MTCL1: variants seen among roughly 807,000 people sequenced by gnomAD.
The protein encoded by MTCL1 is microtubule crosslinking factor 1, also known as microtubule cross-linking factor 1.
A neutral mutation model predicts 141.4 loss-of-function variants in MTCL1; 79 were observed. The ratio of observed to expected loss-of-function variants is 0.56; its 90% confidence interval spans 0.47 to 0.67. The LOEUF (loss-of-function observed/expected upper bound fraction) is 0.67, where lower values mean the gene tolerates loss of function less well. Among genes scored for constraint, MTCL1 ranks in the 30% least tolerant of loss-of-function variants. The pLI is 0.00. For synonymous variants in MTCL1, 914 were observed against 875.8 expected, an observed-to-expected ratio of 1.04 and a Z score of -0.77; for missense variants, 2,177 against 2,113.9, an observed-to-expected ratio of 1.03 and a Z score of -0.59.
At chr18:8,756,367 A>G (rs1189261115) in intron 4 of MTCL1, among the ~76,000 whole-genome samples, 1 of 150,114 alleles carries the variant, frequency 6.7e-6, no homozygotes, top group Non-Finnish European at 1.5e-5. Context: ...ATATGTATAT[A>G]TGTGTATATA....
rs1410804227 is a variant in MTCL1 at position 8,720,221 on chromosome 18, T to TC, written c.199-116dup. 6.6e-6 allele frequency: 6 copies of TC among 904,342 alleles called. No individual in the cohort carries two copies. In the African/African-American group the frequency reaches 8.3e-5, roughly 13 times the overall value. The allele number at this position is 904,342 out of a possible 1,614,324, so 56.0% of individuals were successfully genotyped here. A position where few individuals can be genotyped will look rare whatever the true frequency, so the allele number is the denominator to read the frequency against. On this transcript the variant is annotated intron_variant, in intron 3 of 16. Transcript: ENST00000359865. ...ATAAGTCAGTTGTGTATTGCCAGGG[T>TC]CTTTGCTATGTGGTGTAATATATTA...
intron 5 of MTCL1, among the ~76,000 whole-genome samples, chr18:8,780,185 A>G (rs2143398024): frequency 6.6e-6 from 1 of 152,242 alleles, no homozygotes; most frequent in Non-Finnish European, 1.5e-5. Context: ...CTTCCTTGTC[A>G]TATCATTTTT....
intron 4 of MTCL1, among the ~76,000 whole-genome samples, chr18:8,736,567 T>A (rs2096275387): frequency 6.6e-6 from 1 of 151,912 alleles, no homozygotes; most frequent in Admixed American, 6.6e-5. Flanking sequence ...TGAAGTCGGG[T>A]TTCTACCAGT....
chr18:8,716,114 T>A (rs2096126858), upstream of MTCL1, among the ~76,000 whole-genome samples: 1 of 152,256 alleles, frequency 6.6e-6, no homozygotes, highest in Non-Finnish European at 1.5e-5. Context: ...TTAAGATTGA[T>A]CTTTCTTAAG....
Position 8,766,601 on chromosome 18 carries a change from T to G in MTCL1, c.358-11232T>G, listed in dbSNP as rs186393608. On this transcript the variant is annotated intron_variant, in intron 4 of 16. Transcript: ENST00000359865. ...ATATTGACAGTTGAGGGTGTTAACT[T>G]TCTTAGCCTGTGTGTTCATTCCAGA... is the stretch of plus-strand genomic sequence containing the variant. Among the ~76,000 whole-genome samples, 220 of 152,372 alleles carry G rather than the reference T, an allele frequency of 1.4e-3. 1 individual carries two copies. The highest frequency in any genetic ancestry group is 2.0e-3 in the Non-Finnish European group (133 of 68,036).
intron 4 of MTCL1, among the ~76,000 whole-genome samples, chr18:8,744,758 A>G (rs960900009): frequency 6.6e-6 from 1 of 152,168 alleles, no homozygotes; most frequent in African/African-American, 2.4e-5. Context: ...TAACCACCAC[A>G]GCCCCCTTTA....
intron 10 of MTCL1, among the ~76,000 whole-genome samples, chr18:8,805,553 A>T (rs1233846803): frequency 6.6e-6 from 1 of 152,182 alleles, no homozygotes; most frequent in Non-Finnish European, 1.5e-5. Flanking sequence ...GATCAACTAG[A>T]TGGATTTAGA....
upstream of MTCL1, among the ~76,000 whole-genome samples, chr18:8,715,423 A>T (rs569174080): frequency 6.6e-6 from 1 of 152,360 alleles, no homozygotes; most frequent in African/African-American, 2.4e-5. Flanking sequence ...TGGAAAGAAA[A>T]GCAATCACAA....
At chr18:8,763,637 C>A (rs901866899) in intron 4 of MTCL1, among the ~76,000 whole-genome samples, 1 of 152,234 alleles carries the variant, frequency 6.6e-6, no homozygotes, top group Non-Finnish European at 1.5e-5. Flanking sequence ...TCAGTGGTCT[C>A]TCTCAGCCTT....
At chr18:8,772,932 A>G (rs1436491129) in intron 4 of MTCL1, among the ~76,000 whole-genome samples, 4 of 152,148 alleles carry the variant, frequency 2.6e-5, no homozygotes, top group Non-Finnish European at 5.9e-5. Flanking sequence ...AATAAAAATA[A>G]TAAGAAAGAA....
At chr18:8,824,668 G>A (rs752094594) in intron 14 of MTCL1, 31 bp from the exon 14 acceptor site, 1 of 1,570,416 alleles carries the variant, frequency 6.4e-7, no homozygotes, top group Admixed American at 1.7e-5. Context: ...TCCCTGGCAG[G>A]TACTGACACC....
chr18:8,743,663 G>A (rs956075312), intron 4 of MTCL1, among the ~76,000 whole-genome samples: 1 of 152,306 alleles, frequency 6.6e-6, no homozygotes, highest in East Asian at 1.9e-4. Context: ...CAGCAATGGC[G>A]GGCTGAGAGC....
chr18:8,779,553 C>T lies in MTCL1; in HGVS notation c.417+1661C>T, dbSNP rs977233744. Among the ~76,000 whole-genome samples, 4 of 152,132 alleles carry T rather than the reference C, an allele frequency of 2.6e-5. No individual in the cohort carries two copies. Among genetic ancestry groups the T allele is most frequent in the East Asian group, 3.9e-4 (2 of 5,190 alleles). ...GTGGCTTCCCCTACTCAGAACAGGC[C>T]GAGCTCAGCTTCCCTCAGGCCGCCC... On this transcript the variant is annotated intron_variant, in intron 5 of 16. Transcript: ENST00000359865. This position sits in a 1 kb window ranked among gnomAD's most constrained non-coding sequence, Gnocchi z 4.1.
intron 4 of MTCL1, among the ~76,000 whole-genome samples, chr18:8,770,909 G>A (rs369787347): frequency 6.6e-6 from 1 of 152,016 alleles, no homozygotes; most frequent in East Asian, 1.9e-4. Context: ...AAAGGAAGCA[G>A]GCTCCCCGGA....
exon 1 of MTCL1, chr18:8,706,677 G>A (rs763790561): frequency 6.5e-7 from 1 of 1,546,524 alleles, no homozygotes. Context: ...TGCTGCGGGA[G>A]ATGGAGGAGC....
chr18:8,765,592 A>G (rs1471111368), intron 4 of MTCL1, among the ~76,000 whole-genome samples: 1 of 152,212 alleles, frequency 6.6e-6, no homozygotes, highest in Non-Finnish European at 1.5e-5. Context: ...GGACCCAACC[A>G]CACGAGGGAT....
In MTCL1 at chr18:8,819,003, T is replaced by A. The variant is rs371009205; in HGVS notation, c.2900T>A (p.Leu967His). ...AGTCCCCGGAGAGGTGGCAGTTTCC[T>A]CTGTGATCAAAAAGACGGCAACGTT... is the stretch of plus-strand genomic sequence containing the variant. Residue 967 changes from leucine (L) to histidine (H), a missense_variant, in exon 13 of 17, where the codon CTC becomes CAC. Physicochemically the swap from Leu to His is moderately conservative, Grantham distance 99. Coordinates refer to ENST00000359865, the Ensembl canonical transcript of MTCL1. The A allele has an allele frequency of 1.1e-5, 17 of 1,614,096 alleles. No homozygotes were observed. Among genetic ancestry groups the A allele is most frequent in the Non-Finnish European group, 1.4e-5 (17 of 1,180,006 alleles).
At chr18:8,756,135 T>A (rs1598505422) in intron 4 of MTCL1, among the ~76,000 whole-genome samples, 1 of 151,994 alleles carries the variant, frequency 6.6e-6, no homozygotes, top group Middle Eastern at 3.4e-3. Flanking sequence ...AGACCCTCTC[T>A]AAAAAAATAA....
intron 10 of MTCL1, among the ~76,000 whole-genome samples, chr18:8,805,789 C>A (rs920682272): frequency 7.9e-5 from 12 of 152,098 alleles, no homozygotes; most frequent in African/African-American, 2.9e-4. Flanking sequence ...GCCCTGAGAC[C>A]GCCCTGAGAG....
Sources: allele counts gnomAD v4.1 joint callset (sites outside exome capture counted in the v4.1 genomes callset), GRCh38; gene constraint gnomAD v4.1.1; non-coding constraint Gnocchi (gnomAD v3.1); transcripts MANE v1.5; gene names NCBI Gene and HGNC (gene_info 2026-07-23, HGNC 2026-07-21).